The following C3orf49 variants were observed in gnomAD, a reference collection of about 807,000 sequenced individuals.
The protein encoded by C3orf49 is putative uncharacterized protein C3orf49.
A neutral mutation model predicts 13.3 loss-of-function variants in C3orf49; 27 were observed. The observed-to-expected ratio is 2.02, with a 90% confidence interval of 1.49 to 2.79. The LOEUF is 2.79. Ranked by LOEUF, C3orf49 falls within the 30% of genes most tolerant of loss-of-function variation. The pLI is 0.00. For missense variants in C3orf49, 242 were observed against 134.2 expected (o/e 1.80, Z -3.97); for synonymous variants, 87 against 47.6 (o/e 1.83, Z -3.40).
chr3:63,832,056 T>C (rs1220323436), intron 5 of C3orf49: 1 of 452,412 alleles, frequency 2.2e-6, no homozygotes, highest in Non-Finnish European at 3.9e-6. Context: ...TATCCAGGAG[T>C]GGTGGCGGGC....
the C3orf49 span, among the ~76,000 whole-genome samples, chr3:63,781,606 T>C: frequency 1.3e-5 from 2 of 152,238 alleles, no homozygotes; most frequent in Non-Finnish European, 2.9e-5. Context: ...GTTGAGTTTA[T>C]GGAAGTCACA....
chr3:63,810,491 G>C, the C3orf49 span, among the ~76,000 whole-genome samples: 84 of 152,308 alleles, frequency 5.5e-4, no homozygotes, highest in African/African-American at 1.5e-3. Context: ...GCTAACTGAA[G>C]TATATCAAGC....
At chr3:63,802,272 T>A in the C3orf49 span, among the ~76,000 whole-genome samples, 1 of 152,218 alleles carries the variant, frequency 6.6e-6, no homozygotes, top group Non-Finnish European at 1.5e-5. Flanking sequence ...TTGGTTTTTG[T>A]TTGACTGCCT....
the C3orf49 span, among the ~76,000 whole-genome samples, chr3:63,796,657 T>C: frequency 6.6e-6 from 1 of 152,158 alleles, no homozygotes; most frequent in African/African-American, 2.4e-5. Context: ...AGTGTGGGTA[T>C]CTTATAAGAA....
chr3:63,843,870 C>T (rs1701825676), intron 5 of C3orf49, among the ~76,000 whole-genome samples: 1 of 151,492 alleles, frequency 6.6e-6, no homozygotes. Flanking sequence ...CACTGCACTC[C>T]AGCCTGGGCG....
chr3:63,810,565 C>T, the C3orf49 span, among the ~76,000 whole-genome samples: 2 of 152,298 alleles, frequency 1.3e-5, no homozygotes, highest in South Asian at 4.1e-4. Flanking sequence ...AAACTTGCTA[C>T]TACATGTCAT....
intron 5 of C3orf49, chr3:63,837,940 A>G (rs1412603133): frequency 1.3e-6 from 2 of 1,565,662 alleles, no homozygotes; most frequent in African/African-American, 2.7e-5. Flanking sequence ...AGTCAGTAAT[A>G]ATGTATTTGC....
At chr3:63,804,234 G>A in the C3orf49 span, among the ~76,000 whole-genome samples, 1 of 152,088 alleles carries the variant, frequency 6.6e-6, no homozygotes, top group East Asian at 1.9e-4. Context: ...TGGGGGTTGG[G>A]GACCCCTTTC....
At chr3:63,785,065 CTTTTTTTTTTTTTT>C in the C3orf49 span, among the ~76,000 whole-genome samples, 1 of 64,944 alleles carries the variant, frequency 1.5e-5, no homozygotes, top group Non-Finnish European at 2.6e-5. Context: ...TCTTCTTCTT[CTTTTTTTTTTTTTT>C]TTTTTTTTTT....
At chr3:63,827,430 GA>G (rs1369499174) in intron 2 of C3orf49, 170 bp from the exon 3 acceptor site, 7 of 533,820 alleles carry the variant, frequency 1.3e-5, no homozygotes, top group Middle Eastern at 9.9e-4. Context: ...GCGTGCAGGA[GA>G]AAGTGTAAGA....
chr3:63,794,178 C>T, the C3orf49 span, among the ~76,000 whole-genome samples: 1 of 151,802 alleles, frequency 6.6e-6, no homozygotes, highest in South Asian at 2.1e-4. Context: ...CACATACACA[C>T]ACACACACAC....
At chr3:63,844,826 T>C (rs866586280) in intron 5 of C3orf49, among the ~76,000 whole-genome samples, 197 bp from the exon 6 acceptor site, 1 of 152,224 alleles carries the variant, frequency 6.6e-6, no homozygotes, top group Non-Finnish European at 1.5e-5. Context: ...AAATAAACTT[T>C]TATTGCTTAT....
chr3:63,837,061 G>T (rs928564149), intron 5 of C3orf49, among the ~76,000 whole-genome samples: 3 of 151,630 alleles, frequency 2.0e-5, no homozygotes, highest in Non-Finnish European at 4.4e-5. Flanking sequence ...AAAAAAACTT[G>T]TAAAAAGAGG....
chr3:63,834,343 A>G, intron 5 of C3orf49: 1 of 759,846 alleles, frequency 1.3e-6, no homozygotes, highest in South Asian at 1.9e-5. Context: ...TTTAAAATTT[A>G]TGTGATAGAC....
chr3:63,792,603 G>A, the C3orf49 span, among the ~76,000 whole-genome samples: 2 of 152,182 alleles, frequency 1.3e-5, no homozygotes, highest in Non-Finnish European at 2.9e-5. Context: ...AATCTCTCAA[G>A]TGGTTCTGCA....
chr3:63,818,466 T>C (rs571699074), upstream of C3orf49, among the ~76,000 whole-genome samples: 3 of 152,288 alleles, frequency 2.0e-5, no homozygotes, highest in Admixed American at 2.0e-4. Context: ...TGCGGGTTTG[T>C]TAGGAGTGCA....
chr3:63,838,110 C>A (rs376464659), intron 5 of C3orf49: 4 of 1,485,860 alleles, frequency 2.7e-6, no homozygotes. Context: ...AATCAATAAT[C>A]CATTTTTAAT....
chr3:63,789,747 G>A, the C3orf49 span, among the ~76,000 whole-genome samples: 4 of 145,110 alleles, frequency 2.8e-5, no homozygotes, highest in African/African-American at 1.0e-4. Context: ...GGGGGCAGAG[G>A]TTGCAGTGAG....
chr3:63,782,470 G>C, the C3orf49 span: 1 of 152,132 alleles, frequency 6.6e-6, no homozygotes, highest in African/African-American at 2.4e-5. Context: ...GTACATTGAT[G>C]AGAAAAATCT....
Sources: gnomAD v4.1 joint callset for allele counts (sites outside exome capture counted in the v4.1 genomes callset) on GRCh38, gnomAD v4.1.1 for gene constraint, MANE v1.5 for transcripts, NCBI Gene and HGNC (gene_info 2026-07-23, HGNC 2026-07-21) for gene names.